The following SNX29 variants were observed in gnomAD, a reference collection of about 807,000 sequenced individuals.
SNX29 encodes sorting nexin 29, also known as sorting nexin-29.
SNX29 carries 78 observed loss-of-function variants against 102.1 expected under a neutral mutation model. That is an observed-to-expected ratio of 0.76 (90% confidence interval 0.64 to 0.92). The LOEUF (loss-of-function observed/expected upper bound fraction) is 0.92, where lower values mean the gene tolerates loss of function less well. Ranked by LOEUF, SNX29 falls within the 40% of genes least tolerant of loss-of-function variation. The pLI is 0.00. For synonymous variants in SNX29, 580 were observed against 414.5 expected (o/e 1.40, Z -4.85); for missense variants, 1,280 against 1,061.7 (o/e 1.21, Z -2.86).
chr16:12,554,941 C>G (rs142275369), intron 20 of SNX29, among the ~76,000 whole-genome samples: 4 of 150,320 alleles, frequency 2.7e-5, no homozygotes, highest in Non-Finnish European at 5.9e-5. Context: ...CAAGCACGGC[C>G]TCTGGAGAAA....
chr16:12,009,036 C>T lies in SNX29; in HGVS notation c.122+5993C>T, dbSNP rs1009093489. ...GGATTACAGGCATGAGCCACTGCGC[C>T]CGGCCTATGTTTAGTTTTAAGGCTA... On this transcript the variant is annotated intron_variant, in intron 3 of 20. Transcript: ENST00000566228. Among the ~76,000 whole-genome samples the T allele has an allele frequency of 3.3e-5, 5 of 152,126 alleles. No homozygotes were observed. In the East Asian group the frequency reaches 9.6e-4, roughly 29 times the overall value.
chr16:12,572,186 A>G lies in SNX29; in HGVS notation c.*3557A>G, dbSNP rs550832253. 7 of 966,786 alleles carry G rather than the reference A, an allele frequency of 7.2e-6. No homozygotes were observed. The South Asian group carries it at 2.0e-4, about 28-fold the overall frequency. 59.9% of individuals were successfully genotyped at this position (966,786 alleles called of 1,614,324 possible). On this transcript the variant is annotated 3_prime_UTR_variant, in exon 21 of 21. Coordinates refer to ENST00000566228, the MANE Select transcript of SNX29 (RefSeq NM_032167.5). ...GATAACCATGTAATTTCTTAGAACCATGGCAGGTAGTATTGTGCTTTAAAA... is the reference window on the plus strand; with the variant it reads ...GATAACCATGTAATTTCTTAGAACCGTGGCAGGTAGTATTGTGCTTTAAAA...
intron 20 of SNX29, among the ~76,000 whole-genome samples, chr16:12,539,071 GC>G (rs2077207025): frequency 6.6e-6 from 1 of 152,148 alleles, no homozygotes. Flanking sequence ...CTGGGATAGG[GC>G]CAAGTTTAAT....
chr16:12,003,512 A>G (rs978385449), intron 3 of SNX29, among the ~76,000 whole-genome samples: 2 of 152,178 alleles, frequency 1.3e-5, no homozygotes, highest in African/African-American at 4.8e-5. Flanking sequence ...ATATAGTAAA[A>G]AGGCATATGT....
At chr16:12,490,711 T>C (rs978074629) in intron 19 of SNX29, among the ~76,000 whole-genome samples, 2 of 152,212 alleles carry the variant, frequency 1.3e-5, no homozygotes, top group African/African-American at 4.8e-5. Flanking sequence ...GCACCTGTGT[T>C]CCCACCACAC....
chr16:12,011,135 A>G (rs1457369625), intron 3 of SNX29, among the ~76,000 whole-genome samples: 2 of 150,216 alleles, frequency 1.3e-5, no homozygotes, highest in Admixed American at 6.6e-5. Context: ...TGTAGTAGAC[A>G]GTCCATATTG....
chr16:12,089,870 T>G (rs577251629), intron 11 of SNX29: 6 of 394,202 alleles, frequency 1.5e-5, no homozygotes, highest in African/African-American at 1.1e-4. Flanking sequence ...CCGCCCTCCC[T>G]TGTACAGGCA....
intron 20 of SNX29, among the ~76,000 whole-genome samples, chr16:12,544,165 G>A (rs1305448660): frequency 6.6e-6 from 1 of 152,204 alleles, no homozygotes; most frequent in Admixed American, 6.5e-5. Context: ...AAGAACACGG[G>A]ATGGGAATCG....
chr16:12,201,859 G>T (rs746976971), intron 14 of SNX29, among the ~76,000 whole-genome samples: 4 of 152,168 alleles, frequency 2.6e-5, no homozygotes, highest in Non-Finnish European at 5.9e-5. Context: ...AAACCTCAGC[G>T]CTACACAATG....
chr16:12,315,597 A>T (rs1049765029), intron 15 of SNX29, among the ~76,000 whole-genome samples: 1 of 152,192 alleles, frequency 6.6e-6, no homozygotes, highest in African/African-American at 2.4e-5. Context: ...GACAGTGTAA[A>T]GACACCACAA....
In SNX29 at chr16:12,260,034, A is replaced by G. The variant is rs573167319; in HGVS notation, c.1679-17899A>G. ...CTTCTCTTCTGTTCCTGCAGGAGAC[A>G]GCTGCCACATTGAGGCTTCACAGGC... On this transcript the variant is annotated intron_variant, in intron 14 of 20. Coordinates refer to ENST00000566228, the MANE Select transcript of SNX29 (RefSeq NM_032167.5). Among the ~76,000 whole-genome samples the G allele has an allele frequency of 8.5e-4, 130 of 152,332 alleles. 1 individual carries two copies. Among genetic ancestry groups the G allele is most frequent in the South Asian group, 2.5e-3 (12 of 4,834 alleles).
intron 18 of SNX29, among the ~76,000 whole-genome samples, chr16:12,429,398 C>T (rs2085221709): frequency 6.6e-6 from 1 of 152,150 alleles, no homozygotes; most frequent in Admixed American, 6.6e-5. Flanking sequence ...GGAATCGTGT[C>T]ACATGTAAAC....
chr16:12,128,035 G>A (rs1421268427), intron 12 of SNX29, among the ~76,000 whole-genome samples: 1 of 151,978 alleles, frequency 6.6e-6, no homozygotes, highest in African/African-American at 2.4e-5. Flanking sequence ...CTCATTTTTG[G>A]TCCTGCTTGA....
chr16:12,124,872 C>T (rs920289411), intron 11 of SNX29, among the ~76,000 whole-genome samples: 1 of 152,134 alleles, frequency 6.6e-6, no homozygotes, highest in African/African-American at 2.4e-5. Flanking sequence ...TGCCTTTCAG[C>T]GGTAGGAGAG....
intron 18 of SNX29, among the ~76,000 whole-genome samples, chr16:12,440,043 C>T: frequency 6.6e-6 from 1 of 152,148 alleles, no homozygotes; most frequent in South Asian, 2.1e-4. Context: ...CTCTTAGAGT[C>T]TCATGTATAA....
chr16:12,369,523 G>A (rs535576496), intron 16 of SNX29, among the ~76,000 whole-genome samples: 1 of 152,282 alleles, frequency 6.6e-6, no homozygotes, highest in East Asian at 1.9e-4. Context: ...CTAGAAGCTG[G>A]TCTGGGCCAG....
rs751403259 is a variant in SNX29 at position 12,078,906 on chromosome 16, A to G, written c.1393A>G (p.Met465Val). 8 of 1,602,970 alleles carry G rather than the reference A, an allele frequency of 5.0e-6. No individual in the cohort carries two copies. In the East Asian group the frequency reaches 9.0e-5, roughly 18 times the overall value. The change falls in exon 11 of 21, where the codon ATG becomes GTG. Residue 465 changes from methionine (M) to valine (V), a missense_variant. Coordinates refer to ENST00000566228, the MANE Select transcript of SNX29 (RefSeq NM_032167.5). ...ACCTTCTGCCTCAGTGCCAGAGTCC[A>G]TGACAATTAGTAAGTACTTTCGCAG... ...LLPSASVPES[M>V]TISELRQATV...
rs543376554 is a variant in SNX29, at chr16:12,245,278, C to G, written c.1679-32655C>G. On this transcript the variant is annotated intron_variant, in intron 14 of 20. Transcript: ENST00000566228. Reference sequence around the variant, plus strand: ...CATCCCCCAGTCTCAGTATTTTCATCTGTTAAATGGGGTAATGAGAAGCTC... The same window carrying G: ...CATCCCCCAGTCTCAGTATTTTCATGTGTTAAATGGGGTAATGAGAAGCTC... Among the ~76,000 whole-genome samples, 7 of 152,250 alleles carry G rather than the reference C, an allele frequency of 4.6e-5. No homozygotes were observed. In the East Asian group the frequency reaches 1.2e-3, roughly 25 times the overall value.
chr16:12,322,092 G>A (rs2080955542), intron 15 of SNX29, among the ~76,000 whole-genome samples: 1 of 152,144 alleles, frequency 6.6e-6, no homozygotes, highest in African/African-American at 2.4e-5. Context: ...CTTCACTGGA[G>A]GAAAAATGGC....
Sources: allele counts gnomAD v4.1 joint callset (sites outside exome capture counted in the v4.1 genomes callset), GRCh38; gene constraint gnomAD v4.1.1; transcripts MANE v1.5; gene names NCBI Gene and HGNC (gene_info 2026-07-23, HGNC 2026-07-21).